CDS1: variants seen among roughly 807,000 people sequenced by gnomAD.
The protein encoded by CDS1 is CDP-diacylglycerol synthase 1.
CDS1 carries 41 observed loss-of-function variants against 62.1 expected under a neutral mutation model. That is an observed-to-expected ratio of 0.66 (90% CI 0.51 to 0.86). CDS1 has a LOEUF of 0.86. CDS1 is among the 40% of genes least tolerant of loss of function. The probability of loss-of-function intolerance (pLI) is 0.00; values close to 1 mark genes in which losing one functional copy is unlikely to be tolerated. For missense variants in CDS1, 470 were observed against 550.1 expected, an observed-to-expected ratio of 0.85 and a Z score of 1.46; for synonymous variants, 185 against 192.6, an observed-to-expected ratio of 0.96 and a Z score of 0.32.
intron 6 of CDS1, 36 bp downstream of exon 6, chr4:84,631,913 T>C (rs750006843): frequency 6.8e-7 from 1 of 1,471,222 alleles, no homozygotes; most frequent in South Asian, 1.2e-5. Context: ...TCATTATCTG[T>C]GATAAAAACC....
intron 9 of CDS1, 37 bp from the exon 10 acceptor site, chr4:84,640,801 T>C: frequency 6.8e-7 from 1 of 1,466,598 alleles, no homozygotes; most frequent in East Asian, 2.5e-5. Flanking sequence ...ACTTTTGCTT[T>C]GTTTTTTGTT....
intron 1 of CDS1, among the ~76,000 whole-genome samples, chr4:84,589,072 T>C (rs1406712905): frequency 1.3e-5 from 2 of 152,192 alleles, no homozygotes; most frequent in Admixed American, 6.5e-5. Context: ...TTTTTCACTG[T>C]TATGATTTTC....
At chr4:84,616,597 C>A (rs1021259084) in intron 3 of CDS1, among the ~76,000 whole-genome samples, 4 of 152,128 alleles carry the variant, frequency 2.6e-5, no homozygotes, top group African/African-American at 9.7e-5. Context: ...AAAATCCATT[C>A]TTAGCTCAAG....
intron 6 of CDS1, among the ~76,000 whole-genome samples, chr4:84,632,272 A>G (rs891242019): frequency 2.6e-5 from 4 of 152,194 alleles, no homozygotes; most frequent in Non-Finnish European, 5.9e-5. Context: ...ATAAAGCAGC[A>G]GAGCATGTAT....
chr4:84,597,779 C>T (rs1722796825), intron 1 of CDS1, among the ~76,000 whole-genome samples: 1 of 152,144 alleles, frequency 6.6e-6, no homozygotes, highest in Non-Finnish European at 1.5e-5. Context: ...AAAGCAGTTC[C>T]TTCTCTTCAC....
chr4:84,603,568 T>A (rs1175301576), intron 1 of CDS1, among the ~76,000 whole-genome samples: 3 of 152,186 alleles, frequency 2.0e-5, no homozygotes, highest in African/African-American at 7.2e-5. Context: ...CCCTGGAAAT[T>A]CTGCAGTGAC....
chr4:84,618,580 C>T (rs1221743975), intron 4 of CDS1, among the ~76,000 whole-genome samples: 1 of 152,152 alleles, frequency 6.6e-6, no homozygotes, highest in African/African-American at 2.4e-5. Flanking sequence ...ATGTAGCACC[C>T]ATCAGTTTCT....
Position 84,631,858 on chromosome 4 carries a change from AT to A in CDS1, c.621del (p.Arg208ValfsTer15). The A allele has an allele frequency of 1.2e-6, 2 of 1,611,108 alleles. No individual in the cohort carries two copies. The highest frequency in any genetic ancestry group is 1.7e-6 in the Non-Finnish European group (2 of 1,177,494). On this transcript the variant is annotated frameshift_variant, in exon 6 of 13. Transcript: ENST00000295887. LOFTEE classifies it high-confidence loss of function. Reference protein sequence around the residue: ...MFVLSLVKKHYRLQFYMFAWT... With the variant: ...MFVLSLVKKHXRLQFYMFAWT... ...GTACTGAGTTTGGTGAAGAAACATT[AT>A]CGTCTGCAGTTTTATATGGTGTGTA...
chr4:84,588,415 C>T (rs1042353511), intron 1 of CDS1, among the ~76,000 whole-genome samples: 3 of 152,188 alleles, frequency 2.0e-5, no homozygotes, highest in African/African-American at 7.2e-5. Flanking sequence ...TTCTTTCTTG[C>T]TGCCCAGATA....
At chr4:84,627,624 C>G (rs1048550867) in intron 5 of CDS1, among the ~76,000 whole-genome samples, 5 of 151,920 alleles carry the variant, frequency 3.3e-5, no homozygotes, top group Admixed American at 3.3e-4. Context: ...TTATTTTTTG[C>G]TTGTATTTGT....
intron 11 of CDS1, among the ~76,000 whole-genome samples, chr4:84,643,469 G>C (rs566943203): frequency 6.6e-6 from 1 of 152,274 alleles, no homozygotes; most frequent in Admixed American, 6.5e-5. Flanking sequence ...CTAAAGTTTA[G>C]TGTTTTACTA....
At chr4:84,597,775 G>T (rs966985624) in intron 1 of CDS1, among the ~76,000 whole-genome samples, 2 of 152,140 alleles carry the variant, frequency 1.3e-5, no homozygotes, top group African/African-American at 2.4e-5. Context: ...ATAGAAAGCA[G>T]TTCCTTCTCT....
chr4:84,584,071 A>G (rs1031776247), intron 1 of CDS1, among the ~76,000 whole-genome samples: 1 of 152,198 alleles, frequency 6.6e-6, no homozygotes, highest in African/African-American at 2.4e-5. Context: ...ACGTGACATA[A>G]TAGTAATCTT....
chr4:84,628,685 G>A lies in CDS1; in HGVS notation c.581-3134G>A, dbSNP rs183166879. Among the ~76,000 whole-genome samples the A allele has an allele frequency of 3.3e-5, 5 of 152,182 alleles. No homozygotes were observed. In the East Asian group the frequency reaches 9.7e-4, roughly 30 times the overall value. On this transcript the variant is annotated intron_variant, in intron 5 of 12. Transcript: ENST00000295887. ...GTAGCTGGGACTGCAGGTGTGTGCTGTCCTGCTCAGCTAATTTTTACTTTT... is the reference window on the plus strand; with the variant it reads ...GTAGCTGGGACTGCAGGTGTGTGCTATCCTGCTCAGCTAATTTTTACTTTT...
At chr4:84,620,465 G>T (rs1184569148) in intron 5 of CDS1, among the ~76,000 whole-genome samples, 1 of 151,388 alleles carries the variant, frequency 6.6e-6, no homozygotes, top group Non-Finnish European at 1.5e-5. Flanking sequence ...CTCGTGATTC[G>T]CCTGCCTCAG....
chr4:84,592,177 T>TTA (rs2110035378), intron 1 of CDS1, among the ~76,000 whole-genome samples: 1 of 144,914 alleles, frequency 6.9e-6, no homozygotes, highest in South Asian at 2.3e-4. Flanking sequence ...TTTTTTTTTT[T>TTA]TTTTGAGGCA....
intron 5 of CDS1, among the ~76,000 whole-genome samples, chr4:84,629,795 G>T (rs1380922300): frequency 6.6e-6 from 1 of 152,160 alleles, no homozygotes; most frequent in Non-Finnish European, 1.5e-5. Context: ...GGTTGTCCTG[G>T]ATAAAATGTC....
At chr4:84,606,300 TGTGCA>T (rs983816876) in intron 2 of CDS1, among the ~76,000 whole-genome samples, 13 of 91,366 alleles carry the variant, frequency 1.4e-4, no homozygotes, top group African/African-American at 5.3e-4. Context: ...GCTTTTTTCT[TGTGCA>T]GTGTGTGTGT....
chr4:84,635,463 T>G, intron 8 of CDS1, 112 bp downstream of exon 8: 3 of 730,744 alleles, frequency 4.1e-6, no homozygotes, highest in Middle Eastern at 2.3e-4. Context: ...GGTGCTTTGA[T>G]TTTCCTTAGC....
Sources: allele counts gnomAD v4.1 joint callset (sites outside exome capture counted in the v4.1 genomes callset), GRCh38; gene constraint gnomAD v4.1.1; transcripts MANE v1.5; gene names NCBI Gene and HGNC (gene_info 2026-07-23, HGNC 2026-07-21).